SOX5: variants seen among roughly 807,000 people sequenced by gnomAD.
SOX5 encodes transcription factor SOX-5.
A neutral mutation model predicts 92.0 loss-of-function variants in SOX5; 9 were observed. That is an observed-to-expected ratio of 0.10 (90% CI 0.06 to 0.17). SOX5 has a LOEUF of 0.17. Ranked by LOEUF, SOX5 falls within the 10% of genes least tolerant of loss-of-function variation. The pLI is 1.00. For missense variants in SOX5, 642 were observed against 944.5 expected, an observed-to-expected ratio of 0.68 and a Z score of 4.20; for synonymous variants, 344 against 336.3, an observed-to-expected ratio of 1.02 and a Z score of -0.25.
At position 24,545,517 on chromosome 12, in the gene SOX5, AT is replaced by A. The variant is rs1183721691; in HGVS notation, c.-251+16811del. ...AAAGGTTTTCTTCTCAAAAAAAAAAATCGACAGATTTTCAAGTAATACGAAT... is the reference window on the plus strand; with the variant it reads ...AAAGGTTTTCTTCTCAAAAAAAAAAACGACAGATTTTCAAGTAATACGAAT... On this transcript the variant is annotated intron_variant, in intron 1 of 4. Coordinates refer to the SOX5 transcript ENST00000446891. 5.3e-5 allele frequency among the ~76,000 whole-genome samples: 8 copies of A among 152,246 alleles called. No homozygotes were observed. In the East Asian group the frequency reaches 1.3e-3, roughly 26 times the overall value.
intron 10 of SOX5, among the ~76,000 whole-genome samples, chr12:23,572,847 C>T (rs1046358521): frequency 6.6e-6 from 1 of 152,100 alleles, no homozygotes; most frequent in Non-Finnish European, 1.5e-5. Context: ...TGTCTGAAAC[C>T]TTTTTCAAAC....
At chr12:24,175,911 G>A (rs865952762) in intron 4 of SOX5, among the ~76,000 whole-genome samples, 3 of 151,810 alleles carry the variant, frequency 2.0e-5, no homozygotes, top group African/African-American at 4.8e-5. Context: ...AAAGGGACCC[G>A]AACAGCCAAC....
intron 7 of SOX5, among the ~76,000 whole-genome samples, chr12:23,641,571 A>G (rs2080067976): frequency 6.6e-6 from 1 of 152,188 alleles, no homozygotes; most frequent in Non-Finnish European, 1.5e-5. Context: ...TTAATCCTGA[A>G]GTTTTACTGT....
At chr12:24,537,530 A>G (rs1019983340) in intron 1 of SOX5, among the ~76,000 whole-genome samples, 1 of 152,238 alleles carries the variant, frequency 6.6e-6, no homozygotes, top group Non-Finnish European at 1.5e-5. Flanking sequence ...TTTTAACATC[A>G]GAAGTCCTGG....
At chr12:24,330,359 A>G (rs1443031614) in intron 2 of SOX5, among the ~76,000 whole-genome samples, 2 of 152,192 alleles carry the variant, frequency 1.3e-5, no homozygotes, top group African/African-American at 4.8e-5. Flanking sequence ...AAGGAAAAAA[A>G]GGGGGAAAAG....
chr12:24,364,724 G>T (rs930250106), intron 2 of SOX5, among the ~76,000 whole-genome samples: 2 of 151,726 alleles, frequency 1.3e-5, no homozygotes, highest in Non-Finnish European at 2.9e-5. Flanking sequence ...TCACTTTTCT[G>T]AGAATGAACT....
chr12:23,657,255 C>T (rs1054861664), intron 7 of SOX5, among the ~76,000 whole-genome samples: 2 of 151,994 alleles, frequency 1.3e-5, no homozygotes, highest in Non-Finnish European at 2.9e-5. Flanking sequence ...ACCATATAAG[C>T]GATGCTTAGA....
At chr12:24,221,264 C>T (rs1395594484) in intron 3 of SOX5, among the ~76,000 whole-genome samples, 1 of 152,126 alleles carries the variant, frequency 6.6e-6, no homozygotes, top group Non-Finnish European at 1.5e-5. Flanking sequence ...TGAAGGCCTC[C>T]TCCACCCTAT....
intron 1 of SOX5, among the ~76,000 whole-genome samples, chr12:24,414,456 C>T (rs1374194998): frequency 1.3e-5 from 2 of 152,138 alleles, no homozygotes; most frequent in African/African-American, 4.8e-5. Context: ...ACTTGGGGTC[C>T]TTGGTCTGCT....
rs1339859112 is a variant in SOX5, at chr12:24,345,426, T to C, written c.-174+23137A>G. ...GGACTTGTAGTCCATCTAGCACTTT[T>C]TCTCTACTGGTTTTCCACTAGCTAT... is the stretch of plus-strand genomic sequence containing the variant. On this transcript the variant is annotated intron_variant, in intron 2 of 4. Coordinates refer to the SOX5 transcript ENST00000446891. 2.0e-5 allele frequency among the ~76,000 whole-genome samples: 3 copies of C among 152,188 alleles called. No homozygotes were observed. The South Asian group carries it at 6.2e-4, about 31-fold the overall frequency.
intron 11 of SOX5, among the ~76,000 whole-genome samples, chr12:23,552,305 T>A (rs185486442): frequency 1.3e-3 from 199 of 152,014 alleles, no homozygotes; most frequent in Non-Finnish European, 2.5e-3. Flanking sequence ...GAAGCTGGTA[T>A]GGATTCACTA....
At chr12:23,654,864 A>G (rs1469490354) in intron 7 of SOX5, among the ~76,000 whole-genome samples, 1 of 152,098 alleles carries the variant, frequency 6.6e-6, no homozygotes, top group Non-Finnish European at 1.5e-5. Context: ...GAGTAAAATA[A>G]ATTAGCTCTT....
At chr12:23,965,059 G>A (rs1342475781) in intron 4 of SOX5, among the ~76,000 whole-genome samples, 1 of 152,230 alleles carries the variant, frequency 6.6e-6, no homozygotes, top group African/African-American at 2.4e-5. Context: ...GCAGCCCCCA[G>A]GCGAGCACAG....
chr12:23,537,664 G>A (rs1314133082), intron 13 of SOX5, among the ~76,000 whole-genome samples: 1 of 152,050 alleles, frequency 6.6e-6, no homozygotes, highest in Non-Finnish European at 1.5e-5. Flanking sequence ...ATTTAGCTGG[G>A]ATTAAAAAAG....
chr12:24,322,312 A>T (rs1031798407), intron 2 of SOX5, among the ~76,000 whole-genome samples: 1 of 152,116 alleles, frequency 6.6e-6, no homozygotes, highest in Non-Finnish European at 1.5e-5. Flanking sequence ...GTACTTAAGC[A>T]CTCGCCTAAG....
intron 9 of SOX5, among the ~76,000 whole-genome samples, chr12:23,589,740 C>T (rs188741100): frequency 6.7e-6 from 1 of 150,222 alleles, no homozygotes; most frequent in East Asian, 2.1e-4. Flanking sequence ...GTATAAATAA[C>T]ATTGTTTCAT....
chr12:23,705,533 C>T (rs974089039), intron 6 of SOX5, among the ~76,000 whole-genome samples: 8 of 151,926 alleles, frequency 5.3e-5, no homozygotes, highest in Admixed American at 5.3e-4. Flanking sequence ...CTCAACCTGA[C>T]TGTAATTAAT....
At chr12:24,204,702 G>A in intron 4 of SOX5, among the ~76,000 whole-genome samples, 1 of 152,102 alleles carries the variant, frequency 6.6e-6, no homozygotes. Context: ...GGGTCAAAAG[G>A]TTCAGTGTGT....
At chr12:24,301,951 G>A (rs1037400473) in intron 2 of SOX5, among the ~76,000 whole-genome samples, 1 of 150,994 alleles carries the variant, frequency 6.6e-6, no homozygotes, top group Admixed American at 6.6e-5. Context: ...TTGCTACAAA[G>A]TATATATATA....
Sources: gnomAD v4.1 joint callset for allele counts (sites outside exome capture counted in the v4.1 genomes callset) on GRCh38, gnomAD v4.1.1 for gene constraint, MANE v1.5 for transcripts, NCBI Gene and HGNC (gene_info 2026-07-23, HGNC 2026-07-21) for gene names.